SAP130: variants seen among roughly 807,000 people sequenced by gnomAD.
SAP130 encodes Sin3A associated protein 130.
A neutral mutation model predicts 103.2 loss-of-function variants in SAP130; 16 were observed. The observed-to-expected ratio is 0.16, with a 90% confidence interval of 0.10 to 0.24. The LOEUF is 0.24. SAP130 is among the 10% of genes least tolerant of loss of function. The probability of loss-of-function intolerance (pLI) is 1.00; values close to 1 mark genes in which losing one functional copy is unlikely to be tolerated. For missense variants in SAP130, 990 were observed against 1,359.7 expected (o/e 0.73, Z 4.28); for synonymous variants, 477 against 497.0 (o/e 0.96, Z 0.53).
chr2:127,958,635 T>TGAGAGAGAGAGAGA (rs372337440), intron 15 of SAP130, among the ~76,000 whole-genome samples: 8 of 127,704 alleles, frequency 6.3e-5, no homozygotes, highest in South Asian at 2.9e-4. Flanking sequence ...GTGAGACAGA[T>TGAGAGAGAGAGAGA]GAGAGAGAGA....
At chr2:128,008,528 CT>C (rs76018250) in intron 7 of SAP130, among the ~76,000 whole-genome samples, 35,498 of 137,134 alleles carry the variant, frequency 0.26, 4,844 homozygotes, top group African/African-American at 0.38. Context: ...CCACGCTTAC[CT>C]TTTTTTTTTT....
intron 12 of SAP130, among the ~76,000 whole-genome samples, chr2:127,991,851 G>A (rs759517631): frequency 2.0e-5 from 3 of 152,172 alleles, no homozygotes; most frequent in Non-Finnish European, 4.4e-5. Context: ...ATTAACAATC[G>A]AGTTTTTCAT....
At position 127,941,732 on chromosome 2, in the gene SAP130, C is replaced by T; in HGVS notation, c.*274G>A. 2.3e-6 allele frequency: 1 copy of T among 429,670 alleles called. No homozygotes were observed. The highest frequency in any genetic ancestry group is 4.1e-6 in the Non-Finnish European group (1 of 244,284). The allele number at this position is 429,670 out of a possible 1,614,324, so 26.6% of individuals were successfully genotyped here. A position where few individuals can be genotyped will look rare whatever the true frequency, so the allele number is the denominator to read the frequency against. ...CACCAGCCAGCCATCCTTGTCATTGCTTCCAACTGGTGGACACTGATGCAT... is the reference window on the plus strand; with the variant it reads ...CACCAGCCAGCCATCCTTGTCATTGTTTCCAACTGGTGGACACTGATGCAT... On this transcript the variant is annotated 3_prime_UTR_variant, in exon 21 of 21. Coordinates refer to ENST00000643581, the MANE Select transcript of SAP130 (RefSeq NM_001330301.2).
intron 16 of SAP130, among the ~76,000 whole-genome samples, chr2:127,951,569 C>T (rs529145578): frequency 6.6e-6 from 1 of 152,342 alleles, no homozygotes; most frequent in South Asian, 2.1e-4. Flanking sequence ...TCATCCCTCT[C>T]ATGTCTATCC....
chr2:127,961,103 C>T (rs992969375), intron 15 of SAP130, among the ~76,000 whole-genome samples: 6 of 151,476 alleles, frequency 4.0e-5, no homozygotes, highest in Admixed American at 4.0e-4. Context: ...AATCCTCCCA[C>T]CTCAGCCTCC....
intron 15 of SAP130, among the ~76,000 whole-genome samples, chr2:127,977,335 C>CAAAAAAAA (rs36038328): frequency 3.6e-5 from 4 of 111,728 alleles, no homozygotes; most frequent in Admixed American, 1.0e-4. Flanking sequence ...ACTTAAAATA[C>CAAAAAAAA]AAAAAAAAAA....
chr2:127,997,203 T>C (rs986379033), intron 10 of SAP130, among the ~76,000 whole-genome samples: 1 of 152,218 alleles, frequency 6.6e-6, no homozygotes, highest in Non-Finnish European at 1.5e-5. Flanking sequence ...GCTCCAAATG[T>C]GTACTCCTTT....
rs941873283 is a variant in SAP130 at position 128,021,015 on chromosome 2, T to C, written c.113-3100A>G. Among the ~76,000 whole-genome samples the C allele has an allele frequency of 3.3e-5, 5 of 152,262 alleles. No individual in the cohort carries two copies. The East Asian group carries it at 5.8e-4, about 18-fold the overall frequency. ...AAAAAAAAAGTGAAATGGGATTCTA[T>C]TGTATAGATGTACTATAGCTTTTAA... On this transcript the variant is annotated intron_variant, in intron 2 of 20. Transcript: ENST00000643581.
At chr2:127,968,865 C>G (rs1051379006) in intron 15 of SAP130, among the ~76,000 whole-genome samples, 2 of 152,110 alleles carry the variant, frequency 1.3e-5, no homozygotes, top group Non-Finnish European at 2.9e-5. Context: ...TACTTTCTTA[C>G]GTCTAGACCA....
intron 12 of SAP130, among the ~76,000 whole-genome samples, chr2:127,992,210 G>C (rs1200961409): frequency 6.6e-6 from 1 of 151,690 alleles, no homozygotes; most frequent in Non-Finnish European, 1.5e-5. Flanking sequence ...GGGCCCAAGT[G>C]ATCTGCCCAC....
Position 128,016,412 on chromosome 2 carries a change from C to T in SAP130, c.484G>A (p.Val162Met). The change falls in exon 4 of 21, where the codon GTG becomes ATG. Residue 162 changes from valine to methionine, a missense_variant. Physicochemically the swap from Val to Met is conservative, Grantham distance 21. This residue lies in a region of SAP130 where 336 missense variants were observed against 520.1 expected (regional missense o/e 0.65). Coordinates refer to ENST00000643581, the MANE Select transcript of SAP130 (RefSeq NM_001330301.2). ...SSIPQASAIP[V>M]ATISGQQGHP... ...ACCTGTTGTCCACTGATTGTTGCCACAGGAATGGCTGAAGCTTGAGGGATG... is the reference window on the plus strand; with the variant it reads ...ACCTGTTGTCCACTGATTGTTGCCATAGGAATGGCTGAAGCTTGAGGGATG... 3 of 1,612,998 alleles carry T rather than the reference C, an allele frequency of 1.9e-6. No individual in the cohort carries two copies. The highest frequency in any genetic ancestry group is 2.5e-6 in the Non-Finnish European group (3 of 1,179,602).
intron 14 of SAP130, among the ~76,000 whole-genome samples, chr2:127,985,954 C>T (rs938174444): frequency 1.7e-4 from 26 of 152,134 alleles, no homozygotes; most frequent in African/African-American, 6.3e-4. Context: ...AGCAGGCCCC[C>T]GACCAGCAGA....
intron 15 of SAP130, among the ~76,000 whole-genome samples, chr2:127,965,254 G>A (rs1184131264): frequency 3.9e-5 from 6 of 152,154 alleles, no homozygotes; most frequent in African/African-American, 7.2e-5. Context: ...CCGAGATTGC[G>A]CCACTGCACT....
chr2:128,009,770 C>T (rs1428297190), intron 7 of SAP130, among the ~76,000 whole-genome samples: 1 of 152,182 alleles, frequency 6.6e-6, no homozygotes, highest in Non-Finnish European at 1.5e-5. Flanking sequence ...CTCTTGCCAC[C>T]TTGGCCTCAC....
At chr2:128,022,240 G>C (rs1685209548) in intron 2 of SAP130, among the ~76,000 whole-genome samples, 1 of 152,170 alleles carries the variant, frequency 6.6e-6, no homozygotes, top group Non-Finnish European at 1.5e-5. Flanking sequence ...TCTCTCCTTA[G>C]TGTAATGTTA....
intron 19 of SAP130, among the ~76,000 whole-genome samples, chr2:127,943,658 C>T (rs773603715): frequency 1.3e-5 from 2 of 152,146 alleles, no homozygotes; most frequent in Non-Finnish European, 1.5e-5. Context: ...AGCAAAAATA[C>T]GGCATGACAG....
chr2:127,949,924 G>A lies in SAP130; in HGVS notation c.2742C>T (p.Asn914=), dbSNP rs576467670. 6.2e-7 allele frequency: 1 copy of A among 1,614,150 alleles called. No individual in the cohort carries two copies. The highest frequency in any genetic ancestry group is 1.3e-5 in the African/African-American group (1 of 75,034). ...PPITLLRHYR[N]PWKAAYHHFQ... is the part of the protein sequence containing the mutation. ...AGTGGTGGTAAGCAGCTTTCCAGGG[G>A]TTCCGATAGTGACGAAGCAAAGTAA... The change falls in exon 18 of 21, where the codon AAC becomes AAT. Residue 914 remains asparagine (N), a synonymous_variant. Coordinates refer to ENST00000643581, the MANE Select transcript of SAP130 (RefSeq NM_001330301.2).
intron 15 of SAP130, among the ~76,000 whole-genome samples, chr2:127,970,204 G>GCGACAGAGAGCAA: frequency 6.8e-6 from 1 of 147,826 alleles, no homozygotes. Flanking sequence ...CTCCAGCCTG[G>GCGACAGAGAGCAA]GTGGGAGACT....
intron 15 of SAP130, among the ~76,000 whole-genome samples, chr2:127,976,769 G>T (rs1681488101): frequency 6.6e-6 from 1 of 152,164 alleles, no homozygotes; most frequent in Non-Finnish European, 1.5e-5. Flanking sequence ...AATTAGCTGG[G>T]TGTGGTAGCA....
Sources: gnomAD v4.1 joint callset for allele counts (sites outside exome capture counted in the v4.1 genomes callset) on GRCh38, gnomAD v4.1.1 for gene constraint, gnomAD v4.1.1 regional missense constraint, MANE v1.5 for transcripts, NCBI Gene and HGNC (gene_info 2026-07-23, HGNC 2026-07-21) for gene names.